Variants in SSC5D observed in about 807,000 individuals in gnomAD.
The protein encoded by SSC5D is scavenger receptor cysteine rich family member with 5 domains.
Under a neutral mutation model 104.6 loss-of-function variants are expected in SSC5D, and 106 were observed. The observed-to-expected ratio is 1.01, with a 90% confidence interval of 0.87 to 1.19. SSC5D has a LOEUF of 1.19. SSC5D is among the 50% of genes most tolerant of loss of function. SSC5D has a pLI of 0.00. For synonymous variants in SSC5D, 860 were observed against 883.5 expected (o/e 0.97, Z 0.47); for missense variants, 1,993 against 2,153.8 (o/e 0.93, Z 1.48).
Position 55,518,720 on chromosome 19 carries a change from G to A in SSC5D, c.4444G>A (p.Val1482Ile), listed in dbSNP as rs1987952808. 1 of 1,550,948 alleles carries A rather than the reference G, an allele frequency of 6.4e-7. No homozygotes were observed. The highest frequency in any genetic ancestry group is 8.7e-7 in the Non-Finnish European group (1 of 1,146,976). ...TGTGGCCCCAACACCACCTGTAAGG[G>A]TCATGGCTTGTGAGCCACCTGCCCT... ...PCVAPTPPVRVMACEPPALVE... is the reference protein window; with the variant it reads ...PCVAPTPPVRIMACEPPALVE... The change falls in exon 14 of 14, where the codon GTC (valine) becomes ATC (isoleucine). Residue 1482 changes from valine to isoleucine, a missense_variant. By Grantham distance (29) the Val-to-Ile change is conservative. Transcript: ENST00000389623.
chr19:55,517,781 C>A lies in SSC5D; in HGVS notation c.3505C>A (p.Pro1169Thr), dbSNP rs1289054121. ...CCCTGACCCCATCACAACCCTTAAC[C>A]CTACTGTGACCCCTCACTTCCCTAC... ...MAPDPITTLN[P>T]TVTPHFPTTP... The change falls in exon 14 of 14, where the codon CCT becomes ACT. Residue 1169 changes from proline to threonine, a missense_variant. Around this residue, in one of 6 missense-constraint regions of SSC5D, gnomAD observed 30 missense variants for 52.4 expected, o/e 0.57. Transcript: ENST00000389623. The A allele has an allele frequency of 2.6e-6, 4 of 1,548,650 alleles. No homozygotes were observed. The South Asian group carries it at 4.8e-5, about 18-fold the overall frequency.
At position 55,517,675 on chromosome 19, in the gene SSC5D, C is replaced by A; in HGVS notation, c.3399C>A (p.Ser1133=). Residue 1133 remains serine (S), a synonymous_variant, in exon 14 of 14, where the codon TCC becomes TCA. Transcript: ENST00000389623. Reference sequence around the variant, plus strand: ...CAGATTTGGACACAACTCCATACTCCAGTACAGTCTCAGAATATTCTAGAT... The same window carrying A: ...CAGATTTGGACACAACTCCATACTCAAGTACAGTCTCAGAATATTCTAGAT... The part of the protein sequence containing the change: ...TTPDLDTTPY[S]STVSEYSRSP... 1 of 1,551,658 alleles carries A rather than the reference C, an allele frequency of 6.4e-7. No homozygotes were observed.
chr19:55,517,496 C>A lies in SSC5D; in HGVS notation c.3220C>A (p.Pro1074Thr). The change falls in exon 14 of 14, where the codon CCT becomes ACT. Residue 1074 changes from proline (P) to threonine (T), a missense_variant. By Grantham distance (38) the Pro-to-Thr change is conservative. Transcript: ENST00000389623. ...AAGCCCTGACTTTGCTTTGTCCACC[C>A]CTGACTCCAGTGTGGTTCCCGCGTT... ...LTSPDFALSTPDSSVVPALTP... is the reference protein window; with the variant it reads ...LTSPDFALSTTDSSVVPALTP... 6.4e-7 allele frequency: 1 copy of A among 1,551,408 alleles called. No homozygotes were observed. Among genetic ancestry groups the A allele is most frequent in the Middle Eastern group, 1.7e-4 (1 of 5,994 alleles).
chr19:55,505,925 T>C (rs1987626952), intron 12 of SSC5D, among the ~76,000 whole-genome samples: 1 of 151,524 alleles, frequency 6.6e-6, no homozygotes, highest in Admixed American at 6.6e-5. Flanking sequence ...TTAGTAGAGA[T>C]GGGGTTTCAC....
At position 55,490,765 on chromosome 19, in the gene SSC5D, C is replaced by G; in HGVS notation, c.587-7C>G. On this transcript the variant is annotated splice_polypyrimidine_tract_variant and splice_region_variant and intron_variant, in intron 5 of 13. Coordinates refer to ENST00000389623, the MANE Select transcript of SSC5D (RefSeq NM_001144950.2). ...GCCACACCGTCCCCTCCCTGCTCAC[C>G]CCACAGAGCGGCTGCGCCTGGTCTC... The G allele has an allele frequency of 6.6e-7, 1 of 1,509,580 alleles. No homozygotes were observed. Among genetic ancestry groups the G allele is most frequent in the Non-Finnish European group, 8.8e-7 (1 of 1,132,174 alleles). 93.5% of individuals were successfully genotyped at this position (1,509,580 alleles called of 1,614,324 possible).
At position 55,488,525 on chromosome 19, in the gene SSC5D, G is replaced by T; in HGVS notation, c.-65G>T. ...TCCCTCCCTCCCTCTCTCCCCAGCTGCCTCCTCCTCTTCTCTCCCCGCTCT... is the reference window on the plus strand; with the variant it reads ...TCCCTCCCTCCCTCTCTCCCCAGCTTCCTCCTCCTCTTCTCTCCCCGCTCT... On this transcript the variant is annotated 5_prime_UTR_variant, in exon 1 of 14. Transcript: ENST00000389623. The T allele has an allele frequency of 6.9e-7, 1 of 1,453,098 alleles. No homozygotes were observed. The allele number at this position is 1,453,098 out of a possible 1,614,324, so 90.0% of individuals were successfully genotyped here.
intron 12 of SSC5D, among the ~76,000 whole-genome samples, chr19:55,505,560 T>C (rs1397393095): frequency 1.3e-5 from 2 of 151,750 alleles, no homozygotes; most frequent in Non-Finnish European, 2.9e-5. Flanking sequence ...GGTGGTTCCC[T>C]TTGGAAGGCT....
chr19:55,495,233 A>ATATATTT (rs1555765051), intron 8 of SSC5D, among the ~76,000 whole-genome samples: 11 of 50,666 alleles, frequency 2.2e-4, no homozygotes, highest in Non-Finnish European at 3.2e-5. Context: ...ATATATATAT[A>ATATATTT]TTTTTTTTTT....
At chr19:55,514,614 AG>A (rs1272606348) in intron 13 of SSC5D, among the ~76,000 whole-genome samples, 325 of 146,452 alleles carry the variant, frequency 2.2e-3, no homozygotes, top group African/African-American at 7.9e-3. Flanking sequence ...AAAAAAAAAA[AG>A]AGAGAGAGAG....
intron 12 of SSC5D, among the ~76,000 whole-genome samples, chr19:55,505,805 C>T (rs1265567452): frequency 2.6e-5 from 4 of 151,532 alleles, no homozygotes; most frequent in African/African-American, 9.8e-5. Flanking sequence ...GGTATGATCT[C>T]GGCTCACTGC....
At chr19:55,494,492 G>A (rs1987253791) in intron 7 of SSC5D, 118 bp from the exon 8 acceptor site, 1 of 1,194,404 alleles carries the variant, frequency 8.4e-7, no homozygotes, top group Non-Finnish European at 1.1e-6. Context: ...AGGTTCGGCA[G>A]GAAGAGATCT....
chr19:55,490,558 C>A, intron 5 of SSC5D, 150 bp downstream of exon 5: 1 of 631,798 alleles, frequency 1.6e-6, no homozygotes, highest in Non-Finnish European at 2.7e-6. Context: ...GGGATTTAGA[C>A]GGCCAGGCCT....
chr19:55,491,313 G>A (rs141074584), intron 6 of SSC5D: 4 of 549,656 alleles, frequency 7.3e-6, no homozygotes, highest in Non-Finnish European at 1.3e-5. Flanking sequence ...GCTCAGCCCT[G>A]TCCCGGGGCC....
At chr19:55,514,177 G>A (rs796114451) in intron 13 of SSC5D, among the ~76,000 whole-genome samples, 5 of 150,842 alleles carry the variant, frequency 3.3e-5, no homozygotes, top group African/African-American at 4.9e-5. Flanking sequence ...AGGCTGAGGC[G>A]GGCAGATCAC....
intron 1 of SSC5D, 65 bp from the exon 2 acceptor site, chr19:55,488,941 C>A (rs1379169220): frequency 2.9e-6 from 3 of 1,040,464 alleles, no homozygotes; most frequent in East Asian, 2.6e-5. Context: ...GAGGGGCCTG[C>A]GCTGGAGAAA....
chr19:55,517,262 C>T lies in SSC5D; in HGVS notation c.2986C>T (p.Arg996Trp), dbSNP rs373381393. Reference sequence around the variant, plus strand: ...ACCGTGGCCCGAGCGCCGGCCACCGCGGCCCGCTGCGACCAGGACAGCGCC... The same window carrying T: ...ACCGTGGCCCGAGCGCCGGCCACCGTGGCCCGCTGCGACCAGGACAGCGCC... ...RKPWPERRPPRPAATRTAPPT... is the reference protein window; with the variant it reads ...RKPWPERRPPWPAATRTAPPT... The change falls in exon 14 of 14, where the codon CGG (arginine) becomes TGG (tryptophan). Residue 996 changes from arginine to tryptophan, a missense_variant. Physicochemically the swap from Arg to Trp is moderately radical, Grantham distance 101. Transcript: ENST00000389623. The T allele has an allele frequency of 3.2e-6, 5 of 1,544,180 alleles. No individual in the cohort carries two copies. In the South Asian group the frequency reaches 3.6e-5, roughly 11 times the overall value.
At chr19:55,505,786 G>A (rs1297659624) in intron 12 of SSC5D, among the ~76,000 whole-genome samples, 25 of 151,778 alleles carry the variant, frequency 1.6e-4, no homozygotes, top group Admixed American at 1.6e-3. Context: ...GCCCAGGCTG[G>A]AGTGCAGTGG....
intron 12 of SSC5D, chr19:55,504,057 C>T: frequency 3.3e-6 from 5 of 1,501,684 alleles, no homozygotes; most frequent in Non-Finnish European, 3.6e-6. Flanking sequence ...CCTAGAGGCG[C>T]CGTGACTTGG....
In SSC5D at chr19:55,518,989, A is replaced by C. The variant is rs577089696; in HGVS notation, c.4713A>C (p.Gly1571=). Residue 1571 remains glycine, a synonymous_variant, in exon 14 of 14, where the codon GGA becomes GGC. Coordinates refer to ENST00000389623, the MANE Select transcript of SSC5D (RefSeq NM_001144950.2). ...TPEEEERPLR[G]DV The stretch of plus-strand genomic sequence containing the variant: ...AGGAAGAAGAAAGACCCCTGAGGGG[A>C]GACGTGTGACCCTCTCCAGGATTTG... 5.4e-5 allele frequency: 84 copies of C among 1,550,312 alleles called. No individual in the cohort carries two copies. The African/African-American group carries it at 1.0e-3, about 19-fold the overall frequency.
Sources: allele counts gnomAD v4.1 joint callset (sites outside exome capture counted in the v4.1 genomes callset), GRCh38; gene constraint gnomAD v4.1.1; regional missense constraint gnomAD v4.1.1; transcripts MANE v1.5; gene names NCBI Gene and HGNC (gene_info 2026-07-23, HGNC 2026-07-21).